SUCLG1: variants seen among roughly 807,000 people sequenced by gnomAD.
The protein encoded by SUCLG1 is succinate-CoA ligase GDP/ADP-forming subunit alpha, also known as succinate--CoA ligase [ADP/GDP-forming] subunit alpha, mitochondrial.
SUCLG1 carries 26 observed loss-of-function variants against 37.3 expected under a neutral mutation model. That is an observed-to-expected ratio of 0.70 (90% CI 0.51 to 0.97). The LOEUF (loss-of-function observed/expected upper bound fraction) is 0.97, where lower values mean the gene tolerates loss of function less well. Among genes scored for constraint, SUCLG1 ranks in the 50% least tolerant of loss-of-function variants. The pLI, the probability that SUCLG1 is intolerant of heterozygous loss-of-function variation, is 0.00. For missense variants in SUCLG1, 433 were observed against 432.9 expected, an observed-to-expected ratio of 1.00 and a Z score of 0.00; for synonymous variants, 163 against 155.6, an observed-to-expected ratio of 1.05 and a Z score of -0.36.
rs531095493 is a variant in SUCLG1 at position 84,447,672 on chromosome 2, T to C, written c.201+1977A>G. Among the ~76,000 whole-genome samples the C allele has an allele frequency of 9.8e-5, 15 of 152,308 alleles. No homozygotes were observed. The South Asian group carries it at 3.1e-3, about 32-fold the overall frequency. On this transcript the variant is annotated intron_variant, in intron 2 of 8. Transcript: ENST00000393868. ...ATGCACTTCAAATCTTGGATGAAGA[T>C]CTACTTTCCTTAGAATGTATATAAG...
intron 1 of SUCLG1, among the ~76,000 whole-genome samples, chr2:84,450,413 A>G (rs10182571): frequency 0.22 from 29,814 of 133,882 alleles, 3,930 homozygotes; most frequent in East Asian, 0.66. Context: ...GCTTGTTAGG[A>G]AAAAAAAAAA....
At position 84,431,546 on chromosome 2, in the gene SUCLG1, C is replaced by A; in HGVS notation, c.787G>T (p.Glu263Ter). 1 of 1,614,048 alleles carries A rather than the reference C, an allele frequency of 6.2e-7. No homozygotes were observed. The highest frequency in any genetic ancestry group is 8.5e-7 in the Non-Finnish European group (1 of 1,179,930). The change falls in exon 7 of 9, where the codon GAA becomes TAA. Residue 263 changes from glutamate to a stop codon, truncating the protein, a stop_gained. Coordinates refer to ENST00000393868, the MANE Select transcript of SUCLG1 (RefSeq NM_003849.4). LOFTEE classifies it high-confidence loss of function. ...ILIGEIGGNAEENAAEFLKQH... is the reference protein window; with the variant it reads ...ILIGEIGGNA ...TTCAAAAATTCTGCAGCATTCTCTTCTGCATTACCACCAATTTCACCAATC... is the reference window on the plus strand; with the variant it reads ...TTCAAAAATTCTGCAGCATTCTCTTATGCATTACCACCAATTTCACCAATC...
intron 5 of SUCLG1, among the ~76,000 whole-genome samples, chr2:84,439,403 T>C (rs926994766): frequency 6.6e-5 from 10 of 152,152 alleles, no homozygotes; most frequent in African/African-American, 2.4e-4. Flanking sequence ...ATGCTCACCT[T>C]AAGACCACAG....
intron 2 of SUCLG1, 44 bp from the exon 3 acceptor site, chr2:84,443,444 T>C: frequency 6.4e-7 from 1 of 1,565,810 alleles, no homozygotes; most frequent in Non-Finnish European, 8.8e-7. Flanking sequence ...AGCAGACTGG[T>C]AAGCCCAAGA....
At chr2:84,429,408 A>C (rs540326662) in intron 7 of SUCLG1, among the ~76,000 whole-genome samples, 1 of 152,234 alleles carries the variant, frequency 6.6e-6, no homozygotes, top group East Asian at 1.9e-4. Context: ...CAAACTGTAC[A>C]ACTTTCTGAA....
At chr2:84,454,972 C>T (rs748117020) in intron 1 of SUCLG1, among the ~76,000 whole-genome samples, 6 of 152,128 alleles carry the variant, frequency 3.9e-5, no homozygotes, top group Non-Finnish European at 5.9e-5. Flanking sequence ...TATTCGTGCA[C>T]GTACTCATGA....
intron 2 of SUCLG1, chr2:84,449,067 A>C (rs1028077295): frequency 4.5e-6 from 1 of 222,244 alleles, no homozygotes; most frequent in East Asian, 1.6e-4. Flanking sequence ...AACAGGAAAG[A>C]GTATGAGAGA....
rs1393932544 is a variant in SUCLG1, at chr2:84,423,624, T to C, written c.*122A>G. The C allele has an allele frequency of 2.9e-5, 29 of 991,352 alleles. No individual in the cohort carries two copies. The highest frequency in any genetic ancestry group is 2.2e-5 in the Non-Finnish European group (14 of 636,828). The allele number at this position is 991,352 out of a possible 1,614,324, so 61.4% of individuals were successfully genotyped here. The stretch of plus-strand genomic sequence containing the variant: ...TCTTCCACCTTGTTTTGGCTTCCAG[T>C]TGTACTGCAAGACCAGTGTCAGGCA... On this transcript the variant is annotated 3_prime_UTR_variant, in exon 9 of 9. Transcript: ENST00000393868.
chr2:84,427,828 C>G (rs963546969), intron 7 of SUCLG1, among the ~76,000 whole-genome samples: 2 of 152,170 alleles, frequency 1.3e-5, no homozygotes, highest in Non-Finnish European at 2.9e-5. Context: ...CTTTACTTCC[C>G]ATTTTATCAC....
intron 6 of SUCLG1, among the ~76,000 whole-genome samples, chr2:84,431,867 G>T (rs1281596096): frequency 1.3e-5 from 2 of 152,122 alleles, no homozygotes; most frequent in African/African-American, 2.4e-5. Context: ...GCTAAATGGT[G>T]GTTGGTTCCT....
At chr2:84,424,696 G>A (rs1267086629) in intron 8 of SUCLG1, among the ~76,000 whole-genome samples, 1 of 151,866 alleles carries the variant, frequency 6.6e-6, no homozygotes, top group Non-Finnish European at 1.5e-5. Flanking sequence ...TGTGTGTGTG[G>A]CAGGGGTATA....
In SUCLG1 at chr2:84,423,732, A is replaced by AT. The variant is rs527774382; in HGVS notation, c.*13dup. 7.9e-4 allele frequency: 1,210 copies of AT among 1,525,910 alleles called. No homozygotes were observed. Among genetic ancestry groups the AT allele is most frequent in the African/African-American group, 1.1e-3 (82 of 72,900 alleles). The allele number at this position is 1,525,910 out of a possible 1,614,324, so 94.5% of individuals were successfully genotyped here. ...CGTGATCCATTCCACAGTTTTAGGA[A>AT]TTTTTTTTTTCTTTCATAGCATCTT... On this transcript the variant is annotated 3_prime_UTR_variant, in exon 9 of 9. Coordinates refer to ENST00000393868, the MANE Select transcript of SUCLG1 (RefSeq NM_003849.4).
intron 6 of SUCLG1, 91 bp from the exon 7 acceptor site, chr2:84,431,750 T>G: frequency 7.6e-7 from 1 of 1,310,520 alleles, no homozygotes; most frequent in Non-Finnish European, 1.1e-6. Flanking sequence ...TTTGTCATTT[T>G]TCTTACCCTT....
In SUCLG1 at chr2:84,454,333, C is replaced by T. The variant is rs1672987460; in HGVS notation, c.98-4581G>A. The stretch of plus-strand genomic sequence containing the variant: ...TATAATACATTTGTAAAGGCGCAGC[C>T]CTCACTGTAAAACACGGACAATAAT... On this transcript the variant is annotated intron_variant, in intron 1 of 8. Transcript: ENST00000393868. Among the ~76,000 whole-genome samples, 5 of 152,196 alleles carry T rather than the reference C, an allele frequency of 3.3e-5. No individual in the cohort carries two copies. The South Asian group carries it at 1.0e-3, about 31-fold the overall frequency.
chr2:84,449,863 G>A (rs1672914733), intron 1 of SUCLG1, 111 bp from the exon 2 acceptor site: 3 of 766,084 alleles, frequency 3.9e-6, no homozygotes, highest in Admixed American at 2.7e-5. Flanking sequence ...TAATGCACGC[G>A]CTATCCTGTG....
At chr2:84,450,740 C>T (rs1040236612) in intron 1 of SUCLG1, among the ~76,000 whole-genome samples, 10 of 152,118 alleles carry the variant, frequency 6.6e-5, no homozygotes, top group African/African-American at 1.9e-4. Context: ...GCCCAGAGTC[C>T]ACTCCATGCT....
At chr2:84,437,757 G>A (rs572642137) in intron 5 of SUCLG1, among the ~76,000 whole-genome samples, 129 of 152,308 alleles carry the variant, frequency 8.5e-4, no homozygotes, top group African/African-American at 3.0e-3. Flanking sequence ...ACAAAAACCA[G>A]TATACAAATG....
chr2:84,427,612 T>C (rs1176021529), intron 7 of SUCLG1, among the ~76,000 whole-genome samples: 2 of 152,244 alleles, frequency 1.3e-5, no homozygotes, highest in African/African-American at 2.4e-5. Flanking sequence ...TTTTCTAAAA[T>C]TTTAAATATT....
At chr2:84,445,422 CACAT>C (rs946052359) in intron 2 of SUCLG1, among the ~76,000 whole-genome samples, 3 of 152,136 alleles carry the variant, frequency 2.0e-5, no homozygotes, top group Admixed American at 2.0e-4. Flanking sequence ...TACACAAAGA[CACAT>C]ACACCCCACA....
Sources: allele counts gnomAD v4.1 joint callset (sites outside exome capture counted in the v4.1 genomes callset), GRCh38; gene constraint gnomAD v4.1.1; transcripts MANE v1.5; gene names NCBI Gene and HGNC (gene_info 2026-07-23, HGNC 2026-07-21).